Variants in GTF2F2 observed in about 807,000 individuals in gnomAD.
The protein encoded by GTF2F2 is general transcription factor IIF subunit 2, also known as ATP-dependent helicase GTF2F2.
GTF2F2 carries 23 observed loss-of-function variants against 42.2 expected under a neutral mutation model. That is an observed-to-expected ratio of 0.55 (90% CI 0.39 to 0.77). GTF2F2 has a LOEUF of 0.77. Among genes scored for constraint, GTF2F2 ranks in the 30% least tolerant of loss-of-function variants. GTF2F2 has a pLI of 0.00. For synonymous variants in GTF2F2, 105 were observed against 100.8 expected (o/e 1.04, Z -0.25); for missense variants, 261 against 287.2 (o/e 0.91, Z 0.66).
chr13:45,272,806 A>G (rs999505901), intron 7 of GTF2F2, among the ~76,000 whole-genome samples: 5 of 150,344 alleles, frequency 3.3e-5, no homozygotes, highest in African/African-American at 1.2e-4. Context: ...TCAAAGCTCC[A>G]TAGCTCATAG....
chr13:45,216,291 C>G (rs963000501), intron 5 of GTF2F2, among the ~76,000 whole-genome samples: 2 of 152,100 alleles, frequency 1.3e-5, no homozygotes, highest in Non-Finnish European at 2.9e-5. Flanking sequence ...ATATTTCCTT[C>G]TTGTGATCTC....
chr13:45,193,774 C>T lies in GTF2F2; in HGVS notation c.305-13650C>T, dbSNP rs776409810. 18 of 1,554,726 alleles carry T rather than the reference C, an allele frequency of 1.2e-5. No homozygotes were observed. The African/African-American group carries it at 1.9e-4, about 17-fold the overall frequency. On this transcript the variant is annotated intron_variant, in intron 4 of 7. Coordinates refer to ENST00000340473, the MANE Select transcript of GTF2F2 (RefSeq NM_004128.3). ...TGGCTGCATGCTTGTTGCCTTTGTT[C>T]GTGACACAGGTAATTACTTGATAAA...
At chr13:45,216,674 C>A (rs141215949) in intron 5 of GTF2F2, among the ~76,000 whole-genome samples, 1 of 151,964 alleles carries the variant, frequency 6.6e-6, no homozygotes, top group Non-Finnish European at 1.5e-5. Flanking sequence ...TGCGCCACCA[C>A]GCCTGGCTAT....
intron 4 of GTF2F2, among the ~76,000 whole-genome samples, chr13:45,197,342 A>T (rs541333563): frequency 8.3e-4 from 58 of 69,500 alleles, no homozygotes; most frequent in African/African-American, 4.3e-3. Flanking sequence ...ACCAAAAATT[A>T]AAAAAAAAAA....
intron 7 of GTF2F2, among the ~76,000 whole-genome samples, chr13:45,278,616 G>A (rs1877126423): frequency 1.3e-5 from 2 of 152,020 alleles, no homozygotes; most frequent in Non-Finnish European, 2.9e-5. Context: ...CAGTGTTTAA[G>A]TAAGAGGAGG....
intron 6 of GTF2F2, among the ~76,000 whole-genome samples, chr13:45,264,625 A>G (rs1876489972): frequency 6.6e-6 from 1 of 152,160 alleles, no homozygotes; most frequent in South Asian, 2.1e-4. Context: ...CTACTCATTA[A>G]TGTTACTAAT....
chr13:45,278,816 CTTTTTTTTTTTTTTTT>C (rs1157972776), intron 7 of GTF2F2, among the ~76,000 whole-genome samples: 1 of 62,300 alleles, frequency 1.6e-5, no homozygotes, highest in Non-Finnish European at 2.9e-5. Flanking sequence ...TTTTCTTTTT[CTTTTTTTTTTTTTTTT>C]TTTTTTTTTG....
At chr13:45,157,449 G>T (rs1463083442) in intron 4 of GTF2F2, among the ~76,000 whole-genome samples, 1 of 152,234 alleles carries the variant, frequency 6.6e-6, no homozygotes, top group Non-Finnish European at 1.5e-5. Flanking sequence ...GACCTACTCT[G>T]ACTGGTAGGT....
chr13:45,180,975 G>A (rs1872127562), intron 4 of GTF2F2, among the ~76,000 whole-genome samples: 1 of 151,220 alleles, frequency 6.6e-6, no homozygotes, highest in Non-Finnish European at 1.5e-5. Flanking sequence ...CAGCCTGCCA[G>A]CACAGTGAAA....
chr13:45,185,447 G>A (rs1872373128), intron 4 of GTF2F2, among the ~76,000 whole-genome samples: 1 of 151,488 alleles, frequency 6.6e-6, no homozygotes, highest in African/African-American at 2.5e-5. Flanking sequence ...CATATTGTAA[G>A]CACATGTAGA....
At chr13:45,245,698 T>C (rs1303413326) in intron 5 of GTF2F2, among the ~76,000 whole-genome samples, 28 of 61,970 alleles carry the variant, frequency 4.5e-4, no homozygotes, top group African/African-American at 1.0e-3. Context: ...TATATATATA[T>C]ATACATATAC....
intron 2 of GTF2F2, among the ~76,000 whole-genome samples, chr13:45,137,736 A>G (rs779115781): frequency 6.6e-6 from 1 of 152,262 alleles, no homozygotes; most frequent in Non-Finnish European, 1.5e-5. Flanking sequence ...CATTTGCTAA[A>G]GTCCTTTTGA....
intron 4 of GTF2F2, among the ~76,000 whole-genome samples, chr13:45,204,320 G>A (rs1369178922): frequency 2.0e-5 from 3 of 152,136 alleles, no homozygotes; most frequent in Non-Finnish European, 4.4e-5. Context: ...GGTAGGAGCC[G>A]TGTTTCATTT....
At chr13:45,227,567 C>G (rs1455735584) in intron 5 of GTF2F2, among the ~76,000 whole-genome samples, 1 of 152,066 alleles carries the variant, frequency 6.6e-6, no homozygotes, top group Non-Finnish European at 1.5e-5. Context: ...AAAACTTTTG[C>G]TTGAGTTAGG....
At chr13:45,125,175 T>C (rs1430912699) in intron 1 of GTF2F2, among the ~76,000 whole-genome samples, 1 of 152,260 alleles carries the variant, frequency 6.6e-6, no homozygotes, top group Non-Finnish European at 1.5e-5. Flanking sequence ...TAATTACCTG[T>C]ATTTTTCAGA....
intron 4 of GTF2F2, chr13:45,206,993 T>A (rs890662248): frequency 1.6e-5 from 2 of 127,054 alleles, no homozygotes; most frequent in Admixed American, 7.8e-5. Flanking sequence ...GAGAATTTTA[T>A]TCACATACAC....
chr13:45,211,585 AATT>A (rs1489966116), intron 5 of GTF2F2, among the ~76,000 whole-genome samples: 4,455 of 142,882 alleles, frequency 0.031, 201 homozygotes, highest in African/African-American at 0.1. Flanking sequence ...AAAAAAAAAA[AATT>A]TTTTTTTTTT....
At chr13:45,275,363 T>C (rs910504788) in intron 7 of GTF2F2, among the ~76,000 whole-genome samples, 1 of 152,182 alleles carries the variant, frequency 6.6e-6, no homozygotes, top group East Asian at 1.9e-4. Flanking sequence ...GCAGGTTTGT[T>C]ACATATGTTT....
intron 4 of GTF2F2, among the ~76,000 whole-genome samples, chr13:45,181,195 A>C (rs1046075992): frequency 2.0e-5 from 3 of 150,800 alleles, no homozygotes; most frequent in African/African-American, 4.9e-5. Flanking sequence ...CAAACAAAAA[A>C]AAAAAAAACC....
Sources: allele counts gnomAD v4.1 joint callset (sites outside exome capture counted in the v4.1 genomes callset), GRCh38; gene constraint gnomAD v4.1.1; transcripts MANE v1.5; gene names NCBI Gene and HGNC (gene_info 2026-07-23, HGNC 2026-07-21).